Variants in C2orf76 observed in about 807,000 individuals in gnomAD.
C2orf76 encodes chromosome 2 open reading frame 76.
Under a neutral mutation model 16.9 loss-of-function variants are expected in C2orf76, and 23 were observed. That is an observed-to-expected ratio of 1.36 (90% CI 0.98 to 1.93). The LOEUF (loss-of-function observed/expected upper bound fraction) is 1.93. C2orf76 is among the 30% of genes most tolerant of loss of function. The pLI, the probability that C2orf76 is intolerant of heterozygous loss-of-function variation, is 0.00. For missense variants in C2orf76, 152 were observed against 152.6 expected, an observed-to-expected ratio of 1.00 and a Z score of 0.02; for synonymous variants, 48 against 52.3, an observed-to-expected ratio of 0.92 and a Z score of 0.35.
intron 2 of C2orf76, among the ~76,000 whole-genome samples, chr2:119,324,450 GA>G (rs1176002698): frequency 3.9e-5 from 6 of 152,138 alleles, no homozygotes; most frequent in Admixed American, 3.3e-4. Context: ...TCCTCGGGAT[GA>G]AAACGTGGGC....
intron 2 of C2orf76, among the ~76,000 whole-genome samples, chr2:119,324,528 CA>C (rs1679447720): frequency 6.6e-6 from 1 of 152,164 alleles, no homozygotes; most frequent in Non-Finnish European, 1.5e-5. Context: ...TCCATGAGGG[CA>C]GGGACCACAG....
intron 2 of C2orf76, among the ~76,000 whole-genome samples, chr2:119,334,414 C>G (rs1679776263): frequency 6.9e-6 from 1 of 144,216 alleles, no homozygotes; most frequent in Non-Finnish European, 1.5e-5. Flanking sequence ...AGGTCGGGCA[C>G]AGCGACTCAC....
intron 1 of C2orf76, among the ~76,000 whole-genome samples, chr2:119,340,734 T>C (rs1002144005): frequency 2.0e-5 from 3 of 148,214 alleles, no homozygotes; most frequent in African/African-American, 5.0e-5. Flanking sequence ...TCAATTTAAT[T>C]GCAAAGTTCA....
downstream of C2orf76, among the ~76,000 whole-genome samples, chr2:119,301,076 A>AACACACACACAC (rs57577702): frequency 0.02 from 2,994 of 146,206 alleles, 83 homozygotes; most frequent in African/African-American, 0.065. Context: ...ACTTCTTAAA[A>AACACACACACAC]ACACACACAC....
chr2:119,323,401 A>T (rs1270922465), intron 2 of C2orf76, among the ~76,000 whole-genome samples: 1 of 152,162 alleles, frequency 6.6e-6, no homozygotes, highest in African/African-American at 2.4e-5. Flanking sequence ...TTATGTTACA[A>T]GCATTTAAAG....
chr2:119,359,829 T>A (rs766143618), intron 1 of C2orf76, among the ~76,000 whole-genome samples: 1 of 152,184 alleles, frequency 6.6e-6, no homozygotes, highest in African/African-American at 2.4e-5. Context: ...GCTGGAGTGC[T>A]GTGTTGAAAC....
chr2:119,321,497 C>T (rs1319782695), intron 2 of C2orf76, among the ~76,000 whole-genome samples: 2 of 152,094 alleles, frequency 1.3e-5, no homozygotes, highest in South Asian at 2.1e-4. Context: ...TCTAACATGG[C>T]GCCAGGCAAG....
At chr2:119,299,803 A>G (rs1678589650), downstream of C2orf76, among the ~76,000 whole-genome samples, 1 of 152,202 alleles carries the variant, frequency 6.6e-6, no homozygotes, top group African/African-American at 2.4e-5. Context: ...TTTATATTTT[A>G]AAAAAGCCTG....
intron 4 of C2orf76, among the ~76,000 whole-genome samples, chr2:119,315,715 G>A (rs931439009): frequency 6.6e-6 from 1 of 152,186 alleles, no homozygotes; most frequent in African/African-American, 2.4e-5. Flanking sequence ...CCAGATTCCA[G>A]AAGCACTCTG....
chr2:119,349,949 G>A (rs938303517), intron 1 of C2orf76, among the ~76,000 whole-genome samples: 10 of 151,918 alleles, frequency 6.6e-5, no homozygotes, highest in African/African-American at 2.4e-4. Context: ...TTAATTTTGT[G>A]TAGAGCTAGG....
intron 1 of C2orf76, among the ~76,000 whole-genome samples, chr2:119,341,315 T>A (rs1680023429): frequency 6.6e-6 from 1 of 152,166 alleles, no homozygotes; most frequent in African/African-American, 2.4e-5. Context: ...AGCAACACTT[T>A]CTGTTATATA....
In C2orf76 at chr2:119,348,180, A is replaced by G. The variant is rs58304467; in HGVS notation, c.-12-8209T>C. ...AATAAAAACATTTTGCAAGAAGACT[A>G]TAAGTGCGCAAAGGTGTACATTCAA... On this transcript the variant is annotated intron_variant, in intron 1 of 5. Transcript: ENST00000334816. Among the ~76,000 whole-genome samples the G allele has an allele frequency of 4.4e-3, 669 of 152,320 alleles. 7 individuals are homozygous for G. Among genetic ancestry groups the G allele is most frequent in the African/African-American group, 0.014 (593 of 41,562 alleles).
the C2orf76 span, among the ~76,000 whole-genome samples, chr2:119,290,133 TG>T: frequency 1.3e-5 from 2 of 151,788 alleles, no homozygotes; most frequent in Non-Finnish European, 2.9e-5. Flanking sequence ...CCCAAAGCTC[TG>T]GGCACTGCTT....
At chr2:119,364,716 C>T (rs1680868340) in intron 1 of C2orf76, among the ~76,000 whole-genome samples, 1 of 152,082 alleles carries the variant, frequency 6.6e-6, no homozygotes, top group Non-Finnish European at 1.5e-5. Context: ...ATAATTACAA[C>T]ATGTTACGGT....
At chr2:119,339,426 C>G (rs1195490075) in intron 2 of C2orf76, among the ~76,000 whole-genome samples, 1 of 152,168 alleles carries the variant, frequency 6.6e-6, no homozygotes, top group Non-Finnish European at 1.5e-5. Flanking sequence ...TGTACAGCCT[C>G]CGCTCCCCTC....
At chr2:119,331,291 G>A (rs1027995736) in intron 2 of C2orf76, among the ~76,000 whole-genome samples, 1 of 152,158 alleles carries the variant, frequency 6.6e-6, no homozygotes, top group African/African-American at 2.4e-5. Context: ...TACTACTGCA[G>A]CAACACCCTT....
intron 1 of C2orf76, among the ~76,000 whole-genome samples, chr2:119,343,808 G>A (rs181682476): frequency 1.2e-3 from 178 of 152,092 alleles, no homozygotes; most frequent in African/African-American, 4.0e-3. Flanking sequence ...AAAACAAGTC[G>A]TTCCATTAAT....
chr2:119,343,016 T>C (rs1197016346), intron 1 of C2orf76, among the ~76,000 whole-genome samples: 1 of 152,186 alleles, frequency 6.6e-6, no homozygotes, highest in African/African-American at 2.4e-5. Context: ...GTGAACCGCC[T>C]GGCTCGGCCT....
At chr2:119,319,351 C>T (rs1368055289) in intron 3 of C2orf76, among the ~76,000 whole-genome samples, 1 of 152,126 alleles carries the variant, frequency 6.6e-6, no homozygotes, top group Non-Finnish European at 1.5e-5. Context: ...GGAGAAATGA[C>T]AAACCAGCAG....
Sources: allele counts gnomAD v4.1 joint callset (sites outside exome capture counted in the v4.1 genomes callset), GRCh38; gene constraint gnomAD v4.1.1; transcripts MANE v1.5; gene names NCBI Gene and HGNC (gene_info 2026-07-23, HGNC 2026-07-21).